PKNOX2: variants seen among roughly 807,000 people sequenced by gnomAD.
PKNOX2 encodes homeobox protein PKNOX2.
A neutral mutation model predicts 53.1 loss-of-function variants in PKNOX2; 14 were observed. The observed-to-expected ratio is 0.26, with a 90% CI of 0.17 to 0.41. The LOEUF (loss-of-function observed/expected upper bound fraction) is 0.41. Among genes scored for constraint, PKNOX2 ranks in the 10% least tolerant of loss-of-function variants. The probability of loss-of-function intolerance (pLI) is 1.00; values close to 1 mark genes in which losing one functional copy is unlikely to be tolerated. For missense variants in PKNOX2, 496 were observed against 602.8 expected, an observed-to-expected ratio of 0.82 and a Z score of 1.85; for synonymous variants, 257 against 242.8, an observed-to-expected ratio of 1.06 and a Z score of -0.54.
At chr11:125,257,698 G>C (rs992985598) in intron 2 of PKNOX2, among the ~76,000 whole-genome samples, 2 of 152,208 alleles carry the variant, frequency 1.3e-5, no homozygotes, top group Admixed American at 6.5e-5. Context: ...CACACGGCAA[G>C]GACTTAGTGA....
At chr11:125,188,288 G>A (rs1466506540) in intron 1 of PKNOX2, 1 of 152,216 alleles carries the variant, frequency 6.6e-6, no homozygotes, top group Non-Finnish European at 1.5e-5. Flanking sequence ...GAACCTCCCT[G>A]GGGGTGGGTT....
chr11:125,410,177 A>G lies in PKNOX2; in HGVS notation c.589-19A>G. 6.2e-7 allele frequency: 1 copy of G among 1,612,912 alleles called. No individual in the cohort carries two copies. The highest frequency in any genetic ancestry group is 8.5e-7 in the Non-Finnish European group (1 of 1,179,288). Reference sequence around the variant, plus strand: ...GCTCTCAGTGTCATTGTCACAAACCACGCCTCCCTCACTGCCAGGACCTCC... The same window carrying G: ...GCTCTCAGTGTCATTGTCACAAACCGCGCCTCCCTCACTGCCAGGACCTCC... On this transcript the variant is annotated intron_variant, in intron 7 of 12. Coordinates refer to ENST00000298282, the MANE Select transcript of PKNOX2 (RefSeq NM_001382323.2).
chr11:125,182,225 A>T (rs1956194380), intron 1 of PKNOX2, among the ~76,000 whole-genome samples: 1 of 152,206 alleles, frequency 6.6e-6, no homozygotes. Flanking sequence ...TGGTCCCCCC[A>T]GTCCCAGCTA....
At chr11:125,208,520 A>G (rs767530947) in intron 1 of PKNOX2, among the ~76,000 whole-genome samples, 1 of 152,108 alleles carries the variant, frequency 6.6e-6, no homozygotes, top group Non-Finnish European at 1.5e-5. Flanking sequence ...TTAGGAGACT[A>G]ATGTGATGGT....
chr11:125,297,889 T>C (rs1947765320), intron 2 of PKNOX2, among the ~76,000 whole-genome samples: 1 of 152,168 alleles, frequency 6.6e-6, no homozygotes, highest in African/African-American at 2.4e-5. Context: ...GATTAGCTCA[T>C]TGTCACATTT....
chr11:125,366,081 A>G (rs930104615), intron 4 of PKNOX2, among the ~76,000 whole-genome samples: 1 of 152,196 alleles, frequency 6.6e-6, no homozygotes, highest in African/African-American at 2.4e-5. Flanking sequence ...TTGGAACAGC[A>G]TTTGCTTCTA....
At chr11:125,343,285 G>A (rs975644057) in intron 3 of PKNOX2, among the ~76,000 whole-genome samples, 4 of 152,188 alleles carry the variant, frequency 2.6e-5, no homozygotes, top group African/African-American at 2.4e-5. Flanking sequence ...AGGACCCACC[G>A]CAGGTCACTG....
chr11:125,234,951 C>T (rs1306867115), intron 1 of PKNOX2, 94 bp from the exon 2 acceptor site: 1 of 152,704 alleles, frequency 6.5e-6, no homozygotes, highest in African/African-American at 2.4e-5. Context: ...TTTCCTGAGC[C>T]AAACCCACCT....
intron 2 of PKNOX2, among the ~76,000 whole-genome samples, chr11:125,313,296 T>A (rs1948945878): frequency 6.6e-6 from 1 of 152,134 alleles, no homozygotes; most frequent in Non-Finnish European, 1.5e-5. Context: ...GAGTCCCTAA[T>A]GGGGCCTGGT....
At chr11:125,236,064 G>T (rs1383062801) in intron 2 of PKNOX2, among the ~76,000 whole-genome samples, 1 of 152,232 alleles carries the variant, frequency 6.6e-6, no homozygotes, top group Non-Finnish European at 1.5e-5. Flanking sequence ...AATTATAAAT[G>T]ATTAACCGTT....
intron 5 of PKNOX2, among the ~76,000 whole-genome samples, chr11:125,374,450 G>T (rs1429460784): frequency 2.0e-5 from 3 of 152,156 alleles, no homozygotes; most frequent in Admixed American, 2.0e-4. Flanking sequence ...CTATAGTCAG[G>T]GGGGTGATCC....
chr11:125,170,115 A>T (rs1955168792), intron 1 of PKNOX2, among the ~76,000 whole-genome samples: 1 of 152,190 alleles, frequency 6.6e-6, no homozygotes, highest in Non-Finnish European at 1.5e-5. Context: ...GCAGCTAGCC[A>T]CGGCCTGAAC....
At chr11:125,372,608 C>G (rs2136297768) in intron 5 of PKNOX2, among the ~76,000 whole-genome samples, 1 of 152,370 alleles carries the variant, frequency 6.6e-6, no homozygotes, top group South Asian at 2.1e-4. Flanking sequence ...CAGTCTGTCT[C>G]TTTCCATCTG....
intron 2 of PKNOX2, among the ~76,000 whole-genome samples, chr11:125,291,867 T>A (rs537206887): frequency 1.3e-5 from 2 of 152,294 alleles, no homozygotes; most frequent in East Asian, 3.9e-4. Context: ...ATAGACAAAT[T>A]CATAGAGAAG....
chr11:125,273,229 A>G (rs1198430249), intron 2 of PKNOX2, among the ~76,000 whole-genome samples: 1 of 152,214 alleles, frequency 6.6e-6, no homozygotes, highest in African/African-American at 2.4e-5. Context: ...AATTCTACTA[A>G]GAACCCAGAG....
intron 4 of PKNOX2, among the ~76,000 whole-genome samples, chr11:125,355,959 G>A (rs182670044): frequency 6.4e-4 from 97 of 151,948 alleles, no homozygotes; most frequent in African/African-American, 2.3e-3. Context: ...GGAGCCATCC[G>A]GGTTCACTAG....
intron 2 of PKNOX2, among the ~76,000 whole-genome samples, chr11:125,312,028 T>C (rs1219023570): frequency 3.3e-5 from 5 of 152,140 alleles, no homozygotes; most frequent in South Asian, 2.1e-4. Flanking sequence ...AAAGTCTGAA[T>C]TTGGACCTCA....
intron 10 of PKNOX2, among the ~76,000 whole-genome samples, chr11:125,419,292 C>T (rs1314045946): frequency 6.6e-6 from 1 of 151,656 alleles, no homozygotes; most frequent in Non-Finnish European, 1.5e-5. Context: ...AGCGGATGGG[C>T]GTGAAGGTTC....
intron 3 of PKNOX2, among the ~76,000 whole-genome samples, chr11:125,336,212 A>C (rs1162137378): frequency 2.0e-5 from 3 of 151,988 alleles, no homozygotes; most frequent in Non-Finnish European, 4.4e-5. Flanking sequence ...ACAAAATAAA[A>C]ACTCTCCCTT....
Sources: gnomAD v4.1 joint callset for allele counts (sites outside exome capture counted in the v4.1 genomes callset) on GRCh38, gnomAD v4.1.1 for gene constraint, MANE v1.5 for transcripts, NCBI Gene and HGNC (gene_info 2026-07-23, HGNC 2026-07-21) for gene names.